Variants in PACRG observed in about 807,000 individuals in gnomAD.
PACRG encodes parkin coregulated.
PACRG carries 29 observed loss-of-function variants against 29.7 expected under a neutral mutation model. The observed-to-expected ratio is 0.98, with a 90% CI of 0.73 to 1.33. The LOEUF is 1.33. Ranked by LOEUF, PACRG falls within the 40% of genes most tolerant of loss-of-function variation. PACRG has a pLI of 0.00. For missense variants in PACRG, 279 were observed against 316.2 expected (o/e 0.88, Z 0.89); for synonymous variants, 116 against 118.7 (o/e 0.98, Z 0.15).
chr6:163,212,832 G>T (rs1323397291), intron 4 of PACRG, among the ~76,000 whole-genome samples: 1 of 147,622 alleles, frequency 6.8e-6, no homozygotes, highest in Admixed American at 6.8e-5. Context: ...AGGCTGGATT[G>T]CAGTGGCACG....
chr6:163,258,974 C>T (rs901534214), intron 4 of PACRG, among the ~76,000 whole-genome samples: 3 of 152,008 alleles, frequency 2.0e-5, no homozygotes, highest in African/African-American at 4.8e-5. Context: ...TTCTTGTCCC[C>T]GAGGAACTAA....
intron 4 of PACRG, among the ~76,000 whole-genome samples, chr6:163,193,059 A>G (rs558482925): frequency 1.3e-5 from 2 of 152,340 alleles, no homozygotes; most frequent in East Asian, 3.9e-4. Flanking sequence ...TAAAATGACA[A>G]TTTATTGCTT....
chr6:162,950,364 C>T (rs1190127794), intron 2 of PACRG, among the ~76,000 whole-genome samples: 17 of 152,000 alleles, frequency 1.1e-4, no homozygotes, highest in African/African-American at 4.1e-4. Context: ...AAAAATTAGC[C>T]GGGCGTGGTG....
Position 162,853,107 on chromosome 6 carries a change from G to A in PACRG, c.291+38826G>A, listed in dbSNP as rs1442435288. 1.3e-5 allele frequency among the ~76,000 whole-genome samples: 2 copies of A among 152,318 alleles called. No individual in the cohort carries two copies. The highest frequency in any genetic ancestry group is 6.5e-5 in the Admixed American group (1 of 15,306). On this transcript the variant is annotated intron_variant, in intron 2 of 4. Coordinates refer to ENST00000366888, the MANE Select transcript of PACRG (RefSeq NM_001080379.2). The surrounding 1 kb of genome is among the most constrained non-coding windows in gnomAD (Gnocchi z 4.7). Reference sequence around the variant, plus strand: ...TCTTTTGTAAAGCGGCAGAACTATTGTGAAAGGGGAGTAGAGAAAAGAGAA... The same window carrying A: ...TCTTTTGTAAAGCGGCAGAACTATTATGAAAGGGGAGTAGAGAAAAGAGAA...
intron 2 of PACRG, among the ~76,000 whole-genome samples, chr6:162,890,191 A>G (rs543592289): frequency 6.6e-6 from 1 of 152,188 alleles, no homozygotes; most frequent in African/African-American, 2.4e-5. Context: ...AACCCTTCCC[A>G]TGGGTTCTTT....
Position 162,796,785 on chromosome 6 carries a change from T to C in PACRG, c.157-17362T>C, listed in dbSNP as rs145792002. 6.6e-5 allele frequency among the ~76,000 whole-genome samples: 10 copies of C among 152,292 alleles called. No homozygotes were observed. The East Asian group carries it at 1.5e-3, about 24-fold the overall frequency. ...TTAGTTGTGTCATCTGCATATGATA[T>C]GTGTTATTGACATTCTGTACTATCA... On this transcript the variant is annotated intron_variant, in intron 1 of 4. Coordinates refer to ENST00000366888, the MANE Select transcript of PACRG (RefSeq NM_001080379.2).
chr6:162,748,399 A>G (rs1781257100), intron 1 of PACRG, among the ~76,000 whole-genome samples: 1 of 152,110 alleles, frequency 6.6e-6, no homozygotes, highest in Admixed American at 6.5e-5. Flanking sequence ...AGGCTGAGGC[A>G]TGAGAATCGC....
At chr6:162,833,675 G>T (rs889370384) in intron 2 of PACRG, among the ~76,000 whole-genome samples, 3 of 151,438 alleles carry the variant, frequency 2.0e-5, no homozygotes, top group Admixed American at 6.6e-5. Context: ...AGAATTGTTT[G>T]TTCATGTCTT....
At chr6:163,277,797 G>T (rs1784098755) in intron 4 of PACRG, among the ~76,000 whole-genome samples, 1 of 151,730 alleles carries the variant, frequency 6.6e-6, no homozygotes, top group South Asian at 2.1e-4. Flanking sequence ...CTATAAGCAT[G>T]CATGTACAAG....
At chr6:163,026,210 G>A (rs1300760652) in intron 2 of PACRG, among the ~76,000 whole-genome samples, 1 of 152,138 alleles carries the variant, frequency 6.6e-6, no homozygotes, top group African/African-American at 2.4e-5. Context: ...CTCACTGAAA[G>A]CCTTGTGTAA....
intron 4 of PACRG, among the ~76,000 whole-genome samples, chr6:163,094,549 A>G (rs1465611358): frequency 6.6e-6 from 1 of 152,134 alleles, no homozygotes; most frequent in African/African-American, 2.4e-5. Flanking sequence ...TTGGTCTAAG[A>G]GTATCTCCAA....
intron 2 of PACRG, among the ~76,000 whole-genome samples, chr6:162,814,768 C>T (rs71567674): frequency 5.1e-4 from 78 of 152,234 alleles, no homozygotes; most frequent in African/African-American, 1.6e-3. Flanking sequence ...CTCTCCTCTC[C>T]GTCCCCGCCT....
At chr6:163,249,329 CAT>C (rs1782815251) in intron 4 of PACRG, among the ~76,000 whole-genome samples, 1 of 152,008 alleles carries the variant, frequency 6.6e-6, no homozygotes, top group African/African-American at 2.4e-5. Flanking sequence ...CATTTTCAAA[CAT>C]AGAAATTGTC....
chr6:162,927,499 G>A lies in PACRG; in HGVS notation c.291+113218G>A, dbSNP rs192556849. Among the ~76,000 whole-genome samples the A allele has an allele frequency of 3.9e-5, 6 of 152,208 alleles. No individual in the cohort carries two copies. In the East Asian group the frequency reaches 5.8e-4, roughly 15 times the overall value. On this transcript the variant is annotated intron_variant, in intron 2 of 4. Transcript: ENST00000366888. Reference sequence around the variant, plus strand: ...AAAAAAGAATGAGATTACTTCCTCTGCAGGGACATGGATGGAGCTGGAAGC... The same window carrying A: ...AAAAAAGAATGAGATTACTTCCTCTACAGGGACATGGATGGAGCTGGAAGC...
At chr6:163,217,619 G>T (rs1176372758) in intron 4 of PACRG, among the ~76,000 whole-genome samples, 1 of 152,180 alleles carries the variant, frequency 6.6e-6, no homozygotes. Flanking sequence ...CAGTGGGCAG[G>T]TGAGCAAGGC....
chr6:163,102,575 A>G (rs1447309518), intron 4 of PACRG, among the ~76,000 whole-genome samples: 13 of 152,150 alleles, frequency 8.5e-5, no homozygotes, highest in Admixed American at 8.5e-4. Flanking sequence ...TTTTTTCCAA[A>G]TCTTTGCTAG....
chr6:162,753,521 T>A (rs1235255274), intron 1 of PACRG, among the ~76,000 whole-genome samples: 3 of 152,184 alleles, frequency 2.0e-5, no homozygotes, highest in African/African-American at 7.2e-5. Context: ...CTTAGGTTGA[T>A]TCCATGTCTT....
chr6:162,968,974 G>A (rs957255104), intron 2 of PACRG, among the ~76,000 whole-genome samples: 4 of 142,316 alleles, frequency 2.8e-5, no homozygotes, highest in Non-Finnish European at 6.0e-5. Flanking sequence ...TTGAACCCAG[G>A]AAGCGAAGGT....
intron 2 of PACRG, among the ~76,000 whole-genome samples, chr6:162,857,863 T>C (rs1216335490): frequency 6.6e-6 from 1 of 152,160 alleles, no homozygotes; most frequent in African/African-American, 2.4e-5. Flanking sequence ...CTGTGTTACC[T>C]GTTTCAAAGG....
Sources: allele counts gnomAD v4.1 joint callset (sites outside exome capture counted in the v4.1 genomes callset), GRCh38; gene constraint gnomAD v4.1.1; non-coding constraint Gnocchi (gnomAD v3.1); transcripts MANE v1.5; gene names NCBI Gene and HGNC (gene_info 2026-07-23, HGNC 2026-07-21).